Variants in GPBP1L1 observed in about 807,000 individuals in gnomAD.
GPBP1L1 encodes the protein vasculin-like protein 1.
A neutral mutation model predicts 52.5 loss-of-function variants in GPBP1L1; 23 were observed. The ratio of observed to expected loss-of-function variants is 0.44; its 90% CI spans 0.32 to 0.62. The LOEUF (loss-of-function observed/expected upper bound fraction) is 0.62. Ranked by LOEUF, GPBP1L1 falls within the 20% of genes least tolerant of loss-of-function variation. The probability of loss-of-function intolerance (pLI) is 0.06; values close to 1 mark genes in which losing one functional copy is unlikely to be tolerated. For missense variants in GPBP1L1, 596 were observed against 579.3 expected, an observed-to-expected ratio of 1.03 and a Z score of -0.30; for synonymous variants, 243 against 203.1, an observed-to-expected ratio of 1.20 and a Z score of -1.67.
chr1:45,643,801 C>G (rs1363737562), intron 6 of GPBP1L1, among the ~76,000 whole-genome samples: 1 of 149,914 alleles, frequency 6.7e-6, no homozygotes, highest in East Asian at 2.0e-4. Flanking sequence ...TCCTGAGTAA[C>G]TGGGATTACA....
intron 2 of GPBP1L1, among the ~76,000 whole-genome samples, chr1:45,662,633 G>T (rs960788900): frequency 3.9e-5 from 6 of 152,166 alleles, no homozygotes; most frequent in African/African-American, 1.4e-4. Context: ...CTGGGGAAAT[G>T]AAGGGCAATA....
At chr1:45,649,311 TCTA>T (rs1230587237) in intron 6 of GPBP1L1, among the ~76,000 whole-genome samples, 3 of 152,342 alleles carry the variant, frequency 2.0e-5, no homozygotes, top group Admixed American at 2.0e-4. Context: ...TATTATCTAA[TCTA>T]CAACACTTAT....
chr1:45,652,487 T>C (rs1238211144), intron 6 of GPBP1L1, among the ~76,000 whole-genome samples: 1 of 152,240 alleles, frequency 6.6e-6, no homozygotes, highest in Non-Finnish European at 1.5e-5. Flanking sequence ...TATTTCTTGT[T>C]TGCTACAATC....
chr1:45,684,961 T>C (rs922833432), intron 2 of GPBP1L1, among the ~76,000 whole-genome samples: 4 of 152,198 alleles, frequency 2.6e-5, no homozygotes, highest in Non-Finnish European at 5.9e-5. Context: ...TTCACTCTTT[T>C]ATCTTTTAAA....
chr1:45,679,814 A>AG (rs201083087), intron 2 of GPBP1L1, among the ~76,000 whole-genome samples: 1,747 of 146,284 alleles, frequency 0.012, 26 homozygotes, highest in African/African-American at 0.038. Flanking sequence ...TCATGTGGGG[A>AG]GGTAAAGATG....
In GPBP1L1 at chr1:45,671,185, C is replaced by T. The variant is rs1043291125; in HGVS notation, c.-1097-9960G>A. ...CCCCTCATAATATACCTATAAAATG[C>T]CTTAGCTATTCTTGGCTCTCTGGCT... On this transcript the variant is annotated intron_variant, in intron 2 of 12. Transcript: ENST00000355105. 2.7e-5 allele frequency among the ~76,000 whole-genome samples: 4 copies of T among 149,816 alleles called. 1 individual carries two copies. In the Middle Eastern group the frequency reaches 0.011, roughly 396 times the overall value.
intron 2 of GPBP1L1, among the ~76,000 whole-genome samples, chr1:45,683,203 CTTTTTTTTTTT>C (rs764606358): frequency 3.1e-4 from 26 of 83,780 alleles, no homozygotes; most frequent in East Asian, 2.3e-3. Context: ...GAATATAGGC[CTTTTTTTTTTT>C]TTTTTTTTTT....
Position 45,630,570 on chromosome 1 carries a change from C to T in GPBP1L1, c.1081G>A (p.Gly361Arg). 5.6e-6 allele frequency: 9 copies of T among 1,614,054 alleles called. No homozygotes were observed. The highest frequency in any genetic ancestry group is 7.6e-6 in the Non-Finnish European group (9 of 1,179,932). ...CCATTTTGATGACAGCCTTCCTCCC[C>T]ATTTTCCTTTGGTTCAGGTGTGCTG... Reference protein sequence around the residue: ...DNSTPEPKENGEEGCHQNGLA... With the variant: ...DNSTPEPKENREEGCHQNGLA... Residue 361 changes from glycine to arginine, a missense_variant, in exon 11 of 13, where the codon GGG (glycine) becomes AGG (arginine). Transcript: ENST00000355105.
At chr1:45,639,711 A>C (rs1453610144) in intron 8 of GPBP1L1, among the ~76,000 whole-genome samples, 3 of 151,824 alleles carry the variant, frequency 2.0e-5, no homozygotes, top group African/African-American at 7.3e-5. Context: ...CCCCGTCTCT[A>C]CTAAAAATAC....
intron 6 of GPBP1L1, among the ~76,000 whole-genome samples, chr1:45,643,889 C>T (rs1644706882): frequency 6.6e-6 from 1 of 151,910 alleles, no homozygotes; most frequent in African/African-American, 2.4e-5. Flanking sequence ...AGGCTGGTCT[C>T]GAACTGACCT....
intron 2 of GPBP1L1, among the ~76,000 whole-genome samples, chr1:45,670,311 G>A (rs1181130524): frequency 6.6e-6 from 1 of 152,088 alleles, no homozygotes; most frequent in Non-Finnish European, 1.5e-5. Flanking sequence ...TTTGGTTGTT[G>A]ATCTTATTAA....
rs1364365151 is a variant in GPBP1L1, at chr1:45,627,533, A to G, written c.*723T>C. 1 of 152,630 alleles carries G rather than the reference A, an allele frequency of 6.6e-6. No homozygotes were observed. The highest frequency in any genetic ancestry group is 1.5e-5 in the Non-Finnish European group (1 of 68,028). 9.5% of individuals were successfully genotyped at this position (152,630 alleles called of 1,614,324 possible). A position where few individuals can be genotyped will look rare whatever the true frequency, so the allele number is the denominator to read the frequency against. Reference sequence around the variant, plus strand: ...TTATTCCAAGTTAGTTATTTTATGCAGTAGTTTCCCCCTCGAGACTTGTGA... The same window carrying G: ...TTATTCCAAGTTAGTTATTTTATGCGGTAGTTTCCCCCTCGAGACTTGTGA... On this transcript the variant is annotated 3_prime_UTR_variant, in exon 13 of 13. Transcript: ENST00000355105.
rs548843116 is a variant in GPBP1L1 at position 45,648,985 on chromosome 1, G to A, written c.477+5558C>T. Among the ~76,000 whole-genome samples, 121 of 152,314 alleles carry A rather than the reference G, an allele frequency of 7.9e-4. 2 individuals are homozygous for A. In the South Asian group the frequency reaches 0.023, roughly 29 times the overall value. Reference sequence around the variant, plus strand: ...GCGCAGGTTGCAGTGAGCCAAGATCGCGCCATTGCACTCCAGCCTGAGACA... The same window carrying A: ...GCGCAGGTTGCAGTGAGCCAAGATCACGCCATTGCACTCCAGCCTGAGACA... On this transcript the variant is annotated intron_variant, in intron 6 of 12. Transcript: ENST00000355105.
At position 45,628,048 on chromosome 1, in the gene GPBP1L1, C is replaced by A; in HGVS notation, c.*208G>T. 3.7e-6 allele frequency: 2 copies of A among 538,362 alleles called. No individual in the cohort carries two copies. Among genetic ancestry groups the A allele is most frequent in the Non-Finnish European group, 6.6e-6 (2 of 301,928 alleles). 33.3% of individuals were successfully genotyped at this position (538,362 alleles called of 1,614,324 possible). On this transcript the variant is annotated 3_prime_UTR_variant, in exon 13 of 13. Transcript: ENST00000355105. The stretch of plus-strand genomic sequence containing the variant: ...AGTGTGTTTAAAAAATCTGTCCCAC[C>A]ACACAAACTTCTCTCTATAAAGCAG...
chr1:45,667,927 C>T (rs10890340), intron 2 of GPBP1L1, among the ~76,000 whole-genome samples: 43,085 of 151,902 alleles, frequency 0.28, 6,244 homozygotes, highest in South Asian at 0.37. Flanking sequence ...TTAGTAGAGA[C>T]GGAGTTTCAC....
At chr1:45,674,372 T>TA (rs572061881) in intron 2 of GPBP1L1, among the ~76,000 whole-genome samples, 4 of 151,994 alleles carry the variant, frequency 2.6e-5, no homozygotes, top group African/African-American at 9.7e-5. Flanking sequence ...CAACTCACCT[T>TA]AAAAAAAAGT....
rs1416486658 is a variant in GPBP1L1, at chr1:45,627,607, T to A, written c.*649A>T. The A allele has an allele frequency of 6.6e-6, 1 of 152,478 alleles. No individual in the cohort carries two copies. The highest frequency in any genetic ancestry group is 2.4e-5 in the African/African-American group (1 of 41,408). The allele number at this position is 152,478 out of a possible 1,614,324, so 9.4% of individuals were successfully genotyped here. On this transcript the variant is annotated 3_prime_UTR_variant, in exon 13 of 13. Transcript: ENST00000355105. ...AATAATGTTATCAAAATAATCTTAATCTTTGAAATCTCACAAAAATTTATA... is the reference window on the plus strand; with the variant it reads ...AATAATGTTATCAAAATAATCTTAAACTTTGAAATCTCACAAAAATTTATA...
chr1:45,665,666 G>A (rs1442420693), intron 2 of GPBP1L1, among the ~76,000 whole-genome samples: 1 of 149,750 alleles, frequency 6.7e-6, no homozygotes, highest in Non-Finnish European at 1.5e-5. Context: ...GCTTGAAACC[G>A]GGAGGCGGAG....
upstream of GPBP1L1, chr1:45,687,297 C>G (rs1645302776): frequency 6.6e-6 from 1 of 152,310 alleles, no homozygotes. Context: ...CTGGAAGGGG[C>G]GGCGCTGCCA....
Sources: allele counts gnomAD v4.1 joint callset (sites outside exome capture counted in the v4.1 genomes callset), GRCh38; gene constraint gnomAD v4.1.1; transcripts MANE v1.5; gene names NCBI Gene and HGNC (gene_info 2026-07-23, HGNC 2026-07-21).